Variants in ADAM12 observed in about 807,000 individuals in gnomAD.
ADAM12 encodes disintegrin and metalloproteinase domain-containing protein 12.
In ADAM12, 70 loss-of-function variants were observed where a neutral mutation model predicts 106.4. That is an observed-to-expected ratio of 0.66 (90% CI 0.54 to 0.80). The LOEUF (loss-of-function observed/expected upper bound fraction) is 0.80. Ranked by LOEUF, ADAM12 falls within the 30% of genes least tolerant of loss-of-function variation. The pLI, the probability that ADAM12 is intolerant of heterozygous loss-of-function variation, is 0.00. For missense variants in ADAM12, 1,010 were observed against 1,171.9 expected (o/e 0.86, Z 2.02); for synonymous variants, 420 against 433.5 (o/e 0.97, Z 0.39).
chr10:126,334,671 A>T lies in ADAM12; in HGVS notation c.89-4162T>A, dbSNP rs183326120. 5.1e-4 allele frequency among the ~76,000 whole-genome samples: 77 copies of T among 152,192 alleles called. No individual in the cohort carries two copies. In the East Asian group the frequency reaches 0.014, roughly 28 times the overall value. ...TGACTCCAGATCCTCCCCTCATGTC[A>T]CCCAGAGCCTGGCTGCCTGCATGAG... On this transcript the variant is annotated intron_variant, in intron 1 of 22. Transcript: ENST00000448723.
At chr10:126,120,000 T>C (rs1956056541) in intron 5 of ADAM12, among the ~76,000 whole-genome samples, 1 of 152,244 alleles carries the variant, frequency 6.6e-6, no homozygotes, top group African/African-American at 2.4e-5. Context: ...CCCATGTGTC[T>C]AGTACCTTAT....
intron 11 of ADAM12, among the ~76,000 whole-genome samples, chr10:126,073,095 A>AT (rs1407827622): frequency 1.3e-5 from 2 of 151,938 alleles, no homozygotes; most frequent in African/African-American, 4.8e-5. Flanking sequence ...CCAGGTATTT[A>AT]TTTTTTCTTA....
At chr10:126,369,009 C>T (rs904169818) in intron 1 of ADAM12, among the ~76,000 whole-genome samples, 1 of 152,162 alleles carries the variant, frequency 6.6e-6, no homozygotes, top group African/African-American at 2.4e-5. Context: ...TGAAAATTAG[C>T]ATCCATTACA....
At chr10:126,081,312 A>G (rs556436992) in intron 11 of ADAM12, among the ~76,000 whole-genome samples, 2 of 152,280 alleles carry the variant, frequency 1.3e-5, no homozygotes, top group Admixed American at 6.5e-5. Context: ...GTGTGATAGG[A>G]AAAGCCAAAG....
intron 2 of ADAM12, among the ~76,000 whole-genome samples, chr10:126,310,057 G>A (rs773692040): frequency 6.6e-6 from 1 of 151,860 alleles, no homozygotes; most frequent in Non-Finnish European, 1.5e-5. Flanking sequence ...TGCTCAGGAC[G>A]CTGAGGCAGG....
Position 126,155,213 on chromosome 10 carries a change from C to A in ADAM12, c.339+14G>T. ...TGGTGTAAGATTATGGTGATCCCAA[C>A]GTGCCAGAATTACCGTGTAATTTCG... On this transcript the variant is annotated intron_variant, in intron 4 of 22. Transcript: ENST00000448723. The A allele has an allele frequency of 6.2e-7, 1 of 1,613,164 alleles. No individual in the cohort carries two copies. The highest frequency in any genetic ancestry group is 8.5e-7 in the Non-Finnish European group (1 of 1,179,222).
rs138320063 is a variant in ADAM12, at chr10:126,034,526, C to G, written c.2529+1620G>C. Among the ~76,000 whole-genome samples the G allele has an allele frequency of 2.8e-4, 43 of 152,186 alleles. No individual in the cohort carries two copies. In the East Asian group the frequency reaches 6.0e-3, roughly 21 times the overall value. ...ACAATGAAACAAAAACCAGAGAGAA[C>G]AAACAGAATAATATTAACATGGTAG... On this transcript the variant is annotated intron_variant, in intron 21 of 22. Transcript: ENST00000448723.
chr10:126,260,160 C>G (rs1430650458), intron 3 of ADAM12, among the ~76,000 whole-genome samples: 2 of 152,212 alleles, frequency 1.3e-5, no homozygotes, highest in Non-Finnish European at 2.9e-5. Flanking sequence ...ATGGCTGGTG[C>G]CAAGTAGTCT....
chr10:126,375,318 A>G (rs527364135), intron 1 of ADAM12, among the ~76,000 whole-genome samples: 52 of 152,208 alleles, frequency 3.4e-4, no homozygotes, highest in African/African-American at 1.1e-3. Context: ...CATTGGATAA[A>G]TCAGCATAAG....
chr10:126,202,536 G>T (rs1957722135), intron 3 of ADAM12, among the ~76,000 whole-genome samples: 1 of 152,026 alleles, frequency 6.6e-6, no homozygotes. Flanking sequence ...ACCAGAAGAA[G>T]ATAAAGGTCA....
chr10:126,322,960 G>C (rs568821999), intron 2 of ADAM12, among the ~76,000 whole-genome samples: 27 of 152,296 alleles, frequency 1.8e-4, no homozygotes, highest in Admixed American at 1.4e-3. Context: ...CTGTGTGGCA[G>C]ACACAGCTTC....
chr10:126,183,860 C>T (rs532121408), intron 3 of ADAM12, among the ~76,000 whole-genome samples: 2 of 152,256 alleles, frequency 1.3e-5, no homozygotes, highest in Non-Finnish European at 2.9e-5. Flanking sequence ...ATGTCAATGG[C>T]GATTTCCGTG....
At chr10:126,222,042 T>TCAG (rs1958104394) in intron 3 of ADAM12, among the ~76,000 whole-genome samples, 1 of 152,180 alleles carries the variant, frequency 6.6e-6, no homozygotes, top group Non-Finnish European at 1.5e-5. Flanking sequence ...CCTGAGGTCC[T>TCAG]CAGCAGCTGA....
intron 1 of ADAM12, among the ~76,000 whole-genome samples, chr10:126,348,824 G>T (rs1248623454): frequency 6.6e-6 from 1 of 152,288 alleles, no homozygotes; most frequent in East Asian, 1.9e-4. Context: ...TCTAATTTCA[G>T]ATAGACAATG....
chr10:126,108,653 T>A lies in ADAM12; in HGVS notation c.681A>T (p.Gln227His). ...IVADNREFQR[Q>H]GKDLEKVKQR... Reference sequence around the variant, plus strand: ...GCTTAACTTTTTCCAGATCTTTTCCTTGCCTCTGAAACTTAACAATTTTAA... The same window carrying A: ...GCTTAACTTTTTCCAGATCTTTTCCATGCCTCTGAAACTTAACAATTTTAA... Residue 227 changes from glutamine (Q) to histidine (H), a missense_variant, in exon 8 of 23, where the codon CAA becomes CAT. Physicochemically the swap from Gln to His is conservative, Grantham distance 24 (BLOSUM62 0). Transcript: ENST00000448723. The A allele has an allele frequency of 1.2e-6, 2 of 1,614,012 alleles. No homozygotes were observed. The highest frequency in any genetic ancestry group is 4.5e-5 in the East Asian group (2 of 44,894).
At chr10:126,140,407 A>G (rs1159445074) in intron 4 of ADAM12, among the ~76,000 whole-genome samples, 6 of 152,256 alleles carry the variant, frequency 3.9e-5, no homozygotes, top group Non-Finnish European at 7.3e-5. Flanking sequence ...GCTTAGAACA[A>G]ACTAGTATCA....
intron 1 of ADAM12, among the ~76,000 whole-genome samples, chr10:126,345,127 T>G (rs1855087176): frequency 6.6e-6 from 1 of 152,204 alleles, no homozygotes; most frequent in African/African-American, 2.4e-5. Context: ...TGCTTCCAGT[T>G]TTTGCCCATT....
chr10:126,276,461 AT>A (rs928741829), intron 3 of ADAM12, among the ~76,000 whole-genome samples: 8 of 151,962 alleles, frequency 5.3e-5, no homozygotes, highest in Non-Finnish European at 1.2e-4. Context: ...ACTCTACTTG[AT>A]TTTTTTTGTT....
intron 8 of ADAM12, among the ~76,000 whole-genome samples, chr10:126,106,519 C>T (rs1465812526): frequency 2.8e-5 from 4 of 144,986 alleles, no homozygotes; most frequent in South Asian, 4.4e-4. Flanking sequence ...TGGAGTCTCG[C>T]TCTGTCACCA....
Sources: allele counts gnomAD v4.1 joint callset (sites outside exome capture counted in the v4.1 genomes callset), GRCh38; gene constraint gnomAD v4.1.1; transcripts MANE v1.5; gene names NCBI Gene and HGNC (gene_info 2026-07-23, HGNC 2026-07-21).